HACD2: variants seen among roughly 807,000 people sequenced by gnomAD.
The protein encoded by HACD2 is 3-hydroxyacyl-CoA dehydratase 2, also known as very-long-chain (3R)-3-hydroxyacyl-CoA dehydratase 2.
In HACD2, 15 loss-of-function variants were observed where a neutral mutation model predicts 31.0. The ratio of observed to expected loss-of-function variants is 0.48; its 90% CI spans 0.32 to 0.75. The LOEUF (loss-of-function observed/expected upper bound fraction) is 0.75. HACD2 is among the 30% of genes least tolerant of loss of function. HACD2 has a pLI of 0.03. For missense variants in HACD2, 283 were observed against 313.0 expected, an observed-to-expected ratio of 0.90 and a Z score of 0.72; for synonymous variants, 115 against 122.2, an observed-to-expected ratio of 0.94 and a Z score of 0.39.
chr3:123,575,803 C>T lies in HACD2; in HGVS notation c.273+6409G>A, dbSNP rs186129868. On this transcript the variant is annotated intron_variant, in intron 2 of 6. Coordinates refer to ENST00000383657, the MANE Select transcript of HACD2 (RefSeq NM_198402.5). The stretch of plus-strand genomic sequence containing the variant: ...GTTTTTAACTATTACATTTTAAAAT[C>T]TGCTCTTTTATGCTGGAAATTGTTT... 4.0e-4 allele frequency among the ~76,000 whole-genome samples: 61 copies of T among 152,236 alleles called. 1 individual carries two copies. The highest frequency in any genetic ancestry group is 1.4e-3 in the African/African-American group (59 of 41,548).
intron 3 of HACD2, among the ~76,000 whole-genome samples, chr3:123,534,917 G>C (rs1432359955): frequency 6.6e-6 from 1 of 151,954 alleles, no homozygotes; most frequent in African/African-American, 2.4e-5. Flanking sequence ...GCTATACAAT[G>C]TATTTGTATT....
rs755286229 is a variant in HACD2, at chr3:123,585,036, C to T, written c.-9G>A. On this transcript the variant is annotated 5_prime_UTR_variant, in exon 1 of 7. Transcript: ENST00000383657. The stretch of plus-strand genomic sequence containing the variant: ...GCCGCCACTGCCGCCATGTCAAGTG[C>T]CCGAAGCCCGCTCTCCTAGCGCGAG... 8.8e-5 allele frequency: 130 copies of T among 1,472,942 alleles called. No individual in the cohort carries two copies. Among genetic ancestry groups the T allele is most frequent in the Non-Finnish European group, 1.1e-4 (121 of 1,114,076 alleles). The allele number at this position is 1,472,942 out of a possible 1,614,324, so 91.2% of individuals were successfully genotyped here.
intron 2 of HACD2, among the ~76,000 whole-genome samples, chr3:123,575,496 A>G (rs2056898483): frequency 6.6e-6 from 1 of 152,222 alleles, no homozygotes; most frequent in Non-Finnish European, 1.5e-5. Flanking sequence ...TGTTTTGGAC[A>G]GCGTTCCAAC....
At chr3:123,580,379 G>T (rs2056952810) in intron 2 of HACD2, among the ~76,000 whole-genome samples, 1 of 152,126 alleles carries the variant, frequency 6.6e-6, no homozygotes, top group Admixed American at 6.5e-5. Flanking sequence ...GGGAGGATGA[G>T]GTGGGAGGAT....
chr3:123,520,803 T>C (rs891459228), intron 4 of HACD2, among the ~76,000 whole-genome samples: 1 of 152,208 alleles, frequency 6.6e-6, no homozygotes, highest in Non-Finnish European at 1.5e-5. Flanking sequence ...AGTTTAAACA[T>C]AGAGCCTTGT....
At chr3:123,514,630 G>C (rs1230248893) in intron 4 of HACD2, among the ~76,000 whole-genome samples, 1 of 152,070 alleles carries the variant, frequency 6.6e-6, no homozygotes, top group Non-Finnish European at 1.5e-5. Flanking sequence ...AACTTGAGAG[G>C]GAACAGCAGA....
At chr3:123,582,437 G>A (rs1217234962) in intron 1 of HACD2, 108 bp from the exon 2 acceptor site, 1 of 617,118 alleles carries the variant, frequency 1.6e-6, no homozygotes, top group South Asian at 3.2e-5. Context: ...GTGACCTCAA[G>A]CATGAGTAAC....
intron 3 of HACD2, among the ~76,000 whole-genome samples, chr3:123,559,530 A>G (rs2056705753): frequency 6.6e-6 from 1 of 152,232 alleles, no homozygotes; most frequent in Non-Finnish European, 1.5e-5. Flanking sequence ...GGAATGATAG[A>G]GATCATCACG....
At chr3:123,582,659 GA>G (rs2056978099) in intron 1 of HACD2, among the ~76,000 whole-genome samples, 1 of 152,058 alleles carries the variant, frequency 6.6e-6, no homozygotes, top group South Asian at 2.1e-4. Context: ...CAGGTGCCAA[GA>G]AAATCTAAGA....
At chr3:123,496,606 C>T (rs539838277) in intron 6 of HACD2, among the ~76,000 whole-genome samples, 5 of 152,186 alleles carry the variant, frequency 3.3e-5, no homozygotes, top group Non-Finnish European at 5.9e-5. Context: ...ATTCGACAGG[C>T]AGAGAACTAT....
intron 3 of HACD2, among the ~76,000 whole-genome samples, chr3:123,548,748 G>A (rs2056587633): frequency 6.6e-6 from 1 of 151,708 alleles, no homozygotes; most frequent in African/African-American, 2.4e-5. Flanking sequence ...CAGCCTCTCT[G>A]AGTAGCTGGA....
At chr3:123,520,667 T>C (rs1406842424) in intron 4 of HACD2, among the ~76,000 whole-genome samples, 2 of 152,238 alleles carry the variant, frequency 1.3e-5, no homozygotes, top group African/African-American at 4.8e-5. Context: ...TACTTTTTTG[T>C]CTTAGAATAA....
chr3:123,558,403 G>A (rs988931824), intron 3 of HACD2, among the ~76,000 whole-genome samples: 1 of 152,070 alleles, frequency 6.6e-6, no homozygotes, highest in Non-Finnish European at 1.5e-5. Context: ...GTGAACTATG[G>A]GCTTTGGACA....
chr3:123,510,579 T>C (rs1013849967), intron 4 of HACD2, among the ~76,000 whole-genome samples: 1 of 152,252 alleles, frequency 6.6e-6, no homozygotes, highest in Non-Finnish European at 1.5e-5. Flanking sequence ...GTCTGGTTCA[T>C]CTATGTGGTA....
intron 3 of HACD2, among the ~76,000 whole-genome samples, chr3:123,555,657 G>A (rs536484935): frequency 1.1e-4 from 17 of 152,174 alleles, no homozygotes; most frequent in African/African-American, 4.1e-4. Context: ...AATTATTCCC[G>A]ACTTGCTCTA....
chr3:123,508,997 A>T lies in HACD2; in HGVS notation c.382-6316T>A, dbSNP rs73857652. Among the ~76,000 whole-genome samples, 829 of 152,204 alleles carry T rather than the reference A, an allele frequency of 5.4e-3. 7 individuals are homozygous for T. Among genetic ancestry groups the T allele is most frequent in the African/African-American group, 0.019 (803 of 41,538 alleles). On this transcript the variant is annotated intron_variant, in intron 4 of 6. Transcript: ENST00000383657. Reference sequence around the variant, plus strand: ...GCTCCACCTCCGCATGACCTCATCTAAACTTATTTCCCAAAGGTCCCATTG... The same window carrying T: ...GCTCCACCTCCGCATGACCTCATCTTAACTTATTTCCCAAAGGTCCCATTG...
rs183226382 is a variant in HACD2 at position 123,584,065 on chromosome 3, T to C, written c.155+808A>G. Among the ~76,000 whole-genome samples, 66 of 152,326 alleles carry C rather than the reference T, an allele frequency of 4.3e-4. 1 individual carries two copies. In the South Asian group the frequency reaches 0.013, roughly 30 times the overall value. The stretch of plus-strand genomic sequence containing the variant: ...CTCACCAAAATGACAAGATAAAGAA[T>C]TGCAGAGCTGAAGGAACCTTCATCA... On this transcript the variant is annotated intron_variant, in intron 1 of 6. Transcript: ENST00000383657.
chr3:123,532,280 C>CA (rs1285713141), intron 3 of HACD2, among the ~76,000 whole-genome samples: 1 of 152,200 alleles, frequency 6.6e-6, no homozygotes, highest in African/African-American at 2.4e-5. Flanking sequence ...CAAATCATGT[C>CA]ATTCAGACCA....
At chr3:123,543,070 C>T (rs1006721069) in intron 3 of HACD2, among the ~76,000 whole-genome samples, 8 of 152,178 alleles carry the variant, frequency 5.3e-5, no homozygotes, top group Non-Finnish European at 1.2e-4. Context: ...ATTCCAGGTT[C>T]TGTATGAACA....
Sources: gnomAD v4.1 joint callset for allele counts (sites outside exome capture counted in the v4.1 genomes callset) on GRCh38, gnomAD v4.1.1 for gene constraint, MANE v1.5 for transcripts, NCBI Gene and HGNC (gene_info 2026-07-23, HGNC 2026-07-21) for gene names.